The following DLG2 variants were observed in gnomAD, a reference collection of about 807,000 sequenced individuals.
DLG2 encodes discs large MAGUK scaffold protein 2, also known as disks large homolog 2.
A neutral mutation model predicts 132.5 loss-of-function variants in DLG2; 45 were observed. The ratio of observed to expected loss-of-function variants is 0.34; its 90% CI spans 0.27 to 0.44. DLG2 has a LOEUF of 0.44. Ranked by LOEUF, DLG2 falls within the 20% of genes least tolerant of loss-of-function variation. The pLI is 1.00. For synonymous variants in DLG2, 424 were observed against 419.6 expected, an observed-to-expected ratio of 1.01 and a Z score of -0.13; for missense variants, 1,045 against 1,196.9, an observed-to-expected ratio of 0.87 and a Z score of 1.87.
intron 7 of DLG2, among the ~76,000 whole-genome samples, chr11:84,396,577 T>G (rs2098811867): frequency 6.6e-6 from 1 of 152,190 alleles, no homozygotes; most frequent in South Asian, 2.1e-4. Context: ...TGTCTGTGAT[T>G]TATGTGCATA....
At chr11:83,849,209 T>C (rs1030342305) in intron 16 of DLG2, among the ~76,000 whole-genome samples, 1 of 151,806 alleles carries the variant, frequency 6.6e-6, no homozygotes, top group African/African-American at 2.4e-5. Flanking sequence ...ATGGGTATAA[T>C]GGTAGTACTT....
At chr11:85,495,403 C>A (rs2093647491) in intron 3 of DLG2, among the ~76,000 whole-genome samples, 1 of 151,976 alleles carries the variant, frequency 6.6e-6, no homozygotes. Context: ...GGTCTAATAC[C>A]TAGACTCTAC....
intron 3 of DLG2, among the ~76,000 whole-genome samples, chr11:85,396,458 G>C (rs969654374): frequency 2.0e-5 from 3 of 152,012 alleles, no homozygotes; most frequent in African/African-American, 7.2e-5. Flanking sequence ...GCTTCAGAAG[G>C]TCGGTAATAA....
At chr11:84,012,562 A>C (rs2094945043) in intron 11 of DLG2, among the ~76,000 whole-genome samples, 1 of 152,170 alleles carries the variant, frequency 6.6e-6, no homozygotes, top group South Asian at 2.1e-4. Flanking sequence ...CCAGTTTACC[A>C]GGGAGACTAT....
At chr11:84,845,260 C>T (rs948993054) in intron 6 of DLG2, among the ~76,000 whole-genome samples, 1 of 151,962 alleles carries the variant, frequency 6.6e-6, no homozygotes, top group African/African-American at 2.4e-5. Flanking sequence ...GATCAAGTGT[C>T]CTTTTCAGTA....
chr11:83,472,305 T>C (rs753854447), intron 23 of DLG2, among the ~76,000 whole-genome samples: 8 of 152,132 alleles, frequency 5.3e-5, no homozygotes, highest in Non-Finnish European at 8.8e-5. Flanking sequence ...TTAGCCTCTG[T>C]ATAAATGCCT....
chr11:83,660,751 G>T (rs1056813416), intron 18 of DLG2, among the ~76,000 whole-genome samples: 1 of 152,056 alleles, frequency 6.6e-6, no homozygotes, highest in African/African-American at 2.4e-5. Flanking sequence ...GTACATAAGG[G>T]GGTGGCTGAT....
chr11:85,430,939 T>C (rs1565483029), intron 3 of DLG2, among the ~76,000 whole-genome samples: 1 of 151,594 alleles, frequency 6.6e-6, no homozygotes, highest in East Asian at 1.9e-4. Context: ...ACCACTGTAT[T>C]TCAGCATGAG....
At chr11:84,394,532 GA>G (rs1015582869) in intron 7 of DLG2, among the ~76,000 whole-genome samples, 4 of 151,978 alleles carry the variant, frequency 2.6e-5, no homozygotes, top group African/African-American at 9.7e-5. Context: ...TCTGGGTGCA[GA>G]CTTTTAAAAA....
Position 83,484,123 on chromosome 11 carries a change from A to G in DLG2, c.2293+6T>C, listed in dbSNP as rs1310929527. 6.2e-7 allele frequency: 1 copy of G among 1,608,762 alleles called. No individual in the cohort carries two copies. Among genetic ancestry groups the G allele is most frequent in the Non-Finnish European group, 8.5e-7 (1 of 1,175,780 alleles). ...CATGTGACATTATCTTTCAGAATCT[A>G]CTTACGTTCAGGATCACTGGTTTCC... On this transcript the variant is annotated splice_donor_region_variant and intron_variant, in intron 22 of 27. Coordinates refer to ENST00000376104, the MANE Select transcript of DLG2 (RefSeq NM_001142699.3).
chr11:85,526,483 T>G (rs1348021295), intron 3 of DLG2, among the ~76,000 whole-genome samples: 1 of 152,200 alleles, frequency 6.6e-6, no homozygotes, highest in Non-Finnish European at 1.5e-5. Flanking sequence ...ATTGAAATGC[T>G]GAAAGAATTC....
chr11:83,575,808 A>T (rs1029243834), intron 19 of DLG2, among the ~76,000 whole-genome samples: 7 of 152,216 alleles, frequency 4.6e-5, no homozygotes, highest in African/African-American at 1.4e-4. Context: ...TCCATGATAC[A>T]TTTCAATATT....
At chr11:83,705,949 T>C (rs931519291) in intron 18 of DLG2, among the ~76,000 whole-genome samples, 2 of 152,354 alleles carry the variant, frequency 1.3e-5, no homozygotes, top group East Asian at 1.9e-4. Context: ...CCGGGCGTGG[T>C]GGCTCACGCC....
chr11:85,464,012 A>T, intron 3 of DLG2, among the ~76,000 whole-genome samples: 1 of 150,912 alleles, frequency 6.6e-6, no homozygotes, highest in African/African-American at 2.4e-5. Flanking sequence ...ACATACACAC[A>T]CACACACACA....
intron 6 of DLG2, among the ~76,000 whole-genome samples, chr11:84,785,052 C>T (rs901339326): frequency 1.3e-5 from 2 of 151,758 alleles, no homozygotes; most frequent in South Asian, 4.2e-4. Context: ...TCGCATGGTT[C>T]ACATAAATAC....
intron 6 of DLG2, among the ~76,000 whole-genome samples, chr11:84,759,714 G>T (rs531728541): frequency 2.0e-4 from 30 of 152,052 alleles, no homozygotes; most frequent in Non-Finnish European, 4.0e-4. Flanking sequence ...TAGGCATAAT[G>T]ATGGATGACA....
intron 6 of DLG2, among the ~76,000 whole-genome samples, chr11:84,651,814 T>C (rs961538658): frequency 2.6e-5 from 4 of 152,178 alleles, no homozygotes; most frequent in African/African-American, 9.6e-5. Flanking sequence ...GTAGGCACCA[T>C]GAAAGGTGAA....
At chr11:83,831,139 A>G (rs10792694) in intron 17 of DLG2, among the ~76,000 whole-genome samples, 69,773 of 152,072 alleles carry the variant, frequency 0.46, 16,154 homozygotes, top group Middle Eastern at 0.62. Context: ...ATAAAATCAT[A>G]TAAGATAGAG....
intron 6 of DLG2, among the ~76,000 whole-genome samples, chr11:84,917,055 A>G (rs2092513570): frequency 6.6e-6 from 1 of 152,172 alleles, no homozygotes; most frequent in African/African-American, 2.4e-5. Flanking sequence ...ACTTATCACT[A>G]TGTACTATGT....
Sources: gnomAD v4.1 joint callset for allele counts (sites outside exome capture counted in the v4.1 genomes callset) on GRCh38, gnomAD v4.1.1 for gene constraint, MANE v1.5 for transcripts, NCBI Gene and HGNC (gene_info 2026-07-23, HGNC 2026-07-21) for gene names.